Variants in SEMA6D observed in about 807,000 individuals in gnomAD.
SEMA6D encodes semaphorin 6D, also known as semaphorin-6D.
SEMA6D carries 35 observed loss-of-function variants against 106.6 expected under a neutral mutation model. The observed-to-expected ratio is 0.33, with a 90% CI of 0.25 to 0.44. The LOEUF is 0.44. Ranked by LOEUF, SEMA6D falls within the 20% of genes least tolerant of loss-of-function variation. The pLI is 1.00. For synonymous variants in SEMA6D, 499 were observed against 487.7 expected (o/e 1.02, Z -0.31); for missense variants, 1,185 against 1,345.9 (o/e 0.88, Z 1.87).
chr15:47,474,928 A>G (rs1216536806), intron 3 of SEMA6D, among the ~76,000 whole-genome samples: 2 of 152,210 alleles, frequency 1.3e-5, no homozygotes, highest in African/African-American at 4.8e-5. Context: ...GCCATCTAGC[A>G]GGCATATATT....
intron 4 of SEMA6D, among the ~76,000 whole-genome samples, chr15:47,636,636 TCTC>T (rs2077393817): frequency 6.6e-6 from 1 of 152,066 alleles, no homozygotes; most frequent in Admixed American, 6.6e-5. Flanking sequence ...AGATTCCACA[TCTC>T]CTAACATCAC....
intron 3 of SEMA6D, among the ~76,000 whole-genome samples, chr15:47,559,700 A>G (rs1205629690): frequency 6.6e-6 from 1 of 152,090 alleles, no homozygotes; most frequent in Admixed American, 6.6e-5. Context: ...GGCTGTGTGG[A>G]TGTGCAGGAA....
At chr15:47,530,843 C>G (rs1299119827) in intron 3 of SEMA6D, among the ~76,000 whole-genome samples, 1 of 152,180 alleles carries the variant, frequency 6.6e-6, no homozygotes, top group Non-Finnish European at 1.5e-5. Context: ...TAAAACCTCT[C>G]ATAGCCTCAG....
Position 47,463,660 on chromosome 15 carries a change from G to A in SEMA6D, c.-158-6814G>A, listed in dbSNP as rs1275542031. 3.6e-4 allele frequency among the ~76,000 whole-genome samples: 55 copies of A among 152,174 alleles called. 1 individual carries two copies. The highest frequency in any genetic ancestry group is 1.6e-4 in the Non-Finnish European group (11 of 68,016). On this transcript the variant is annotated intron_variant, in intron 2 of 19. Transcript: ENST00000558014. ...TTGGACAAACTTAGATCTGAAACAT[G>A]TCTTTTGTAGTTTACTGTGCGACTG...
intron 3 of SEMA6D, among the ~76,000 whole-genome samples, chr15:47,541,129 G>A (rs1376492494): frequency 1.3e-5 from 2 of 152,106 alleles, no homozygotes; most frequent in Non-Finnish European, 2.9e-5. Flanking sequence ...GGAGCTTTCT[G>A]ACATTCTTGG....
At chr15:47,615,011 G>T (rs1347088650) in intron 4 of SEMA6D, among the ~76,000 whole-genome samples, 1 of 152,096 alleles carries the variant, frequency 6.6e-6, no homozygotes, top group Non-Finnish European at 1.5e-5. Context: ...CCTAGTATGT[G>T]CCAACCACAA....
At position 47,717,685 on chromosome 15, in the gene SEMA6D, C is replaced by G. The variant is rs182687068; in HGVS notation, c.-62C>G. ...TTTCTTTTTTCTTACCAGCCTCCCCCCAATGAGGTAAGACCGTTTTCAACA... is the reference window on the plus strand; with the variant it reads ...TTTCTTTTTTCTTACCAGCCTCCCCGCAATGAGGTAAGACCGTTTTCAACA... On this transcript the variant is annotated 5_prime_UTR_variant, in exon 1 of 19. Coordinates refer to ENST00000536845, the MANE Select transcript of SEMA6D (RefSeq NM_001358351.3). 3.9e-5 allele frequency: 6 copies of G among 151,966 alleles called. No homozygotes were observed. Among genetic ancestry groups the G allele is most frequent in the South Asian group, 2.1e-4 (1 of 4,790 alleles). The allele number at this position is 151,966 out of a possible 1,614,324, so 9.4% of individuals were successfully genotyped here.
chr15:47,768,378 A>G (rs1017308002), intron 17 of SEMA6D, among the ~76,000 whole-genome samples: 2 of 152,128 alleles, frequency 1.3e-5, no homozygotes, highest in East Asian at 3.9e-4. Flanking sequence ...AATCTGCTGA[A>G]TATGTCTTTA....
chr15:47,771,420 G>A lies in SEMA6D; in HGVS notation c.2857G>A (p.Val953Ile). The A allele has an allele frequency of 6.2e-7, 1 of 1,614,088 alleles. No individual in the cohort carries two copies. The highest frequency in any genetic ancestry group is 2.2e-5 in the East Asian group (1 of 44,858). ...AGTGGATGTCCCCACCACTCCTGGA[G>A]TCCCAATGACTTCTCTGGAAAGACA... ...KRVDVPTTPG[V>I]PMTSLERQRG... Residue 953 changes from valine (V) to isoleucine (I), a missense_variant, in exon 19 of 19, where the codon GTC becomes ATC. Transcript: ENST00000536845.
chr15:47,552,827 T>TA (rs1566882499), intron 3 of SEMA6D, among the ~76,000 whole-genome samples: 34 of 15,780 alleles, frequency 2.2e-3, no homozygotes, highest in African/African-American at 3.0e-3. Context: ...AATATATATA[T>TA]TTTTATATAT....
intron 1 of SEMA6D, among the ~76,000 whole-genome samples, chr15:47,225,936 GTA>G (rs1342144894): frequency 8.5e-5 from 13 of 152,052 alleles, no homozygotes; most frequent in Non-Finnish European, 1.5e-4. Context: ...TAGTAACACA[GTA>G]ATGTTGCTAT....
intron 2 of SEMA6D, among the ~76,000 whole-genome samples, chr15:47,455,675 C>T (rs1326599278): frequency 1.3e-5 from 2 of 151,944 alleles, no homozygotes; most frequent in East Asian, 1.9e-4. Flanking sequence ...CCACATTTCT[C>T]ACCACCATTA....
rs758183824 is a variant in SEMA6D, at chr15:47,760,966, T to C, written c.222-12T>C. 2 of 1,609,994 alleles carry C rather than the reference T, an allele frequency of 1.2e-6. No individual in the cohort carries two copies. The highest frequency in any genetic ancestry group is 2.2e-5 in the South Asian group (2 of 90,222). ...ATTCACGTGATATGTTTTATTGCCT[T>C]ATTTCCAACAGGGATCAAGTTTATA... On this transcript the variant is annotated splice_polypyrimidine_tract_variant and intron_variant, in intron 3 of 18. Transcript: ENST00000536845.
intron 8 of SEMA6D, 42 bp downstream of exon 8, chr15:47,762,361 G>C (rs1322095536): frequency 1.2e-6 from 2 of 1,606,332 alleles, no homozygotes; most frequent in African/African-American, 2.7e-5. Flanking sequence ...CAGGATAGTG[G>C]ATGGCCCAAG....
intron 3 of SEMA6D, among the ~76,000 whole-genome samples, chr15:47,518,429 T>C (rs2044459446): frequency 6.6e-6 from 1 of 152,140 alleles, no homozygotes; most frequent in African/African-American, 2.4e-5. Flanking sequence ...CAGGGATACA[T>C]TGTAAGAAAT....
At chr15:47,219,820 C>G (rs997173277) in intron 1 of SEMA6D, among the ~76,000 whole-genome samples, 2 of 152,152 alleles carry the variant, frequency 1.3e-5, no homozygotes, top group Non-Finnish European at 2.9e-5. Context: ...ACTACTTTTT[C>G]TGGTCTTGGC....
chr15:47,490,731 A>C (rs2141427730), intron 3 of SEMA6D, among the ~76,000 whole-genome samples: 1 of 152,330 alleles, frequency 6.6e-6, no homozygotes, highest in Middle Eastern at 3.4e-3. Flanking sequence ...AGTATTCAGA[A>C]TTTATAAAAT....
At chr15:47,745,111 A>G (rs1445134219) in intron 1 of SEMA6D, among the ~76,000 whole-genome samples, 1 of 152,202 alleles carries the variant, frequency 6.6e-6, no homozygotes, top group African/African-American at 2.4e-5. Context: ...GGAAAGTGAG[A>G]ACAAATGTAG....
chr15:47,294,623 ACT>A (rs1346749351), intron 1 of SEMA6D, among the ~76,000 whole-genome samples: 1 of 152,130 alleles, frequency 6.6e-6, no homozygotes, highest in Non-Finnish European at 1.5e-5. Context: ...GAAAAGAATA[ACT>A]CTTGTAAATA....
Sources: gnomAD v4.1 joint callset for allele counts (sites outside exome capture counted in the v4.1 genomes callset) on GRCh38, gnomAD v4.1.1 for gene constraint, MANE v1.5 for transcripts, NCBI Gene and HGNC (gene_info 2026-07-23, HGNC 2026-07-21) for gene names.